Variants in DAB1 observed in about 807,000 individuals in gnomAD.
DAB1 encodes disabled homolog 1.
In DAB1, 15 loss-of-function variants were observed where a neutral mutation model predicts 64.6. The observed-to-expected ratio is 0.23, with a 90% CI of 0.16 to 0.36. DAB1 has a LOEUF of 0.36. DAB1 is among the 10% of genes least tolerant of loss of function. DAB1 has a pLI of 1.00. For synonymous variants in DAB1, 235 were observed against 251.9 expected (o/e 0.93, Z 0.64); for missense variants, 596 against 706.7 (o/e 0.84, Z 1.78).
intron 5 of DAB1, among the ~76,000 whole-genome samples, chr1:57,919,579 G>A (rs534552728): frequency 6.6e-6 from 1 of 152,168 alleles, no homozygotes; most frequent in Non-Finnish European, 1.5e-5. Context: ...TCCTATCCTT[G>A]CTCTGCCCTA....
rs1645190151 is a variant in DAB1, at chr1:58,456,006, C to CAGTGGGCAGAG, written n.257+50053_257+50054insCTCTGCCCACT. Among the ~76,000 whole-genome samples the CAGTGGGCAGAG allele has an allele frequency of 2.0e-5, 3 of 152,368 alleles. No individual in the cohort carries two copies. In the South Asian group the frequency reaches 6.2e-4, roughly 32 times the overall value. Reference sequence around the variant, plus strand: ...TCAGTGTATGACAGTGGGCAGACGACATCACTTGTCTCTGCCTCACTTGCG... The same window carrying CAGTGGGCAGAG: ...TCAGTGTATGACAGTGGGCAGACGACAGTGGGCAGAGATCACTTGTCTCTGCCTCACTTGCG... On this transcript the variant is annotated intron_variant and non_coding_transcript_variant, in intron 3 of 20. Transcript: ENST00000485760.
chr1:58,020,124 G>A (rs1055065675), intron 5 of DAB1, among the ~76,000 whole-genome samples: 4 of 152,070 alleles, frequency 2.6e-5, no homozygotes, highest in Admixed American at 2.0e-4. Context: ...TCTGCATTAA[G>A]ACTTCTGTAT....
intron 6 of DAB1, among the ~76,000 whole-genome samples, chr1:57,679,318 G>A (rs1428206002): frequency 6.6e-6 from 1 of 152,158 alleles, no homozygotes; most frequent in Non-Finnish European, 1.5e-5. Context: ...CTTGAAATCA[G>A]AAAAGGTTCT....
At chr1:58,515,738 A>G (rs1646148611) in intron 2 of DAB1, among the ~76,000 whole-genome samples, 1 of 152,220 alleles carries the variant, frequency 6.6e-6, no homozygotes, top group African/African-American at 2.4e-5. Flanking sequence ...AGCTCAGAAT[A>G]CTAACCTGAA....
chr1:58,189,917 T>A (rs1657294339), intron 4 of DAB1, among the ~76,000 whole-genome samples: 1 of 152,206 alleles, frequency 6.6e-6, no homozygotes, highest in South Asian at 2.1e-4. Context: ...CATGAAGTGG[T>A]AGCCAGCTCA....
At chr1:58,281,785 C>T (rs1661569491) in intron 4 of DAB1, among the ~76,000 whole-genome samples, 1 of 152,142 alleles carries the variant, frequency 6.6e-6, no homozygotes, top group African/African-American at 2.4e-5. Flanking sequence ...TAAAATGAAT[C>T]TTATAATAGT....
At chr1:57,309,295 A>G (rs1674467203) in intron 1 of DAB1, among the ~76,000 whole-genome samples, 1 of 152,190 alleles carries the variant, frequency 6.6e-6, no homozygotes, top group African/African-American at 2.4e-5. Flanking sequence ...TTCTGAGACC[A>G]CTGTGGTCCA....
At chr1:58,113,798 T>C (rs1334748316) in intron 5 of DAB1, among the ~76,000 whole-genome samples, 2 of 152,146 alleles carry the variant, frequency 1.3e-5, no homozygotes, top group Non-Finnish European at 2.9e-5. Flanking sequence ...CTGTTTTCAG[T>C]AGGAGTTTTG....
At chr1:57,371,056 C>G (rs191327707) in intron 1 of DAB1, among the ~76,000 whole-genome samples, 1 of 152,276 alleles carries the variant, frequency 6.6e-6, no homozygotes, top group Admixed American at 6.5e-5. Context: ...AAGGAGAGAT[C>G]TGGGAATAAG....
intron 7 of DAB1, among the ~76,000 whole-genome samples, chr1:57,434,501 G>A (rs918081252): frequency 2.6e-5 from 4 of 152,198 alleles, no homozygotes; most frequent in African/African-American, 9.6e-5. Flanking sequence ...CCTGGAAAGG[G>A]GTAGAAGGAA....
At chr1:57,551,537 C>A (rs1644914162) in intron 7 of DAB1, among the ~76,000 whole-genome samples, 1 of 152,164 alleles carries the variant, frequency 6.6e-6, no homozygotes, top group Admixed American at 6.5e-5. Context: ...AGAGTTCAGG[C>A]AACTTAATAA....
At chr1:57,085,827 T>A (rs185267313) in intron 4 of DAB1, among the ~76,000 whole-genome samples, 1 of 152,134 alleles carries the variant, frequency 6.6e-6, no homozygotes. Flanking sequence ...ACGGAGTGAA[T>A]AAGTGAATAT....
intron 2 of DAB1, among the ~76,000 whole-genome samples, chr1:57,210,193 T>C (rs1205299971): frequency 6.6e-6 from 1 of 152,196 alleles, no homozygotes; most frequent in African/African-American, 2.4e-5. Context: ...ATAAGCATTG[T>C]GTTGCTAGAG....
chr1:58,165,462 G>A (rs929540385), intron 4 of DAB1, among the ~76,000 whole-genome samples: 8 of 152,056 alleles, frequency 5.3e-5, no homozygotes, highest in South Asian at 2.1e-4. Context: ...CTCGGTCCTC[G>A]CTCCCTCTAC....
intron 3 of DAB1, among the ~76,000 whole-genome samples, chr1:58,372,800 T>A (rs1468775887): frequency 6.6e-6 from 1 of 152,186 alleles, no homozygotes; most frequent in African/African-American, 2.4e-5. Context: ...CTTCTCTTTC[T>A]TGTCTGCCAC....
At chr1:57,894,496 C>T (rs1477764409) in intron 5 of DAB1, among the ~76,000 whole-genome samples, 1 of 152,090 alleles carries the variant, frequency 6.6e-6, no homozygotes, top group Non-Finnish European at 1.5e-5. Flanking sequence ...GAGAATATTG[C>T]AGAAGGATTC....
intron 7 of DAB1, among the ~76,000 whole-genome samples, chr1:57,590,057 G>C (rs1645425716): frequency 6.6e-6 from 1 of 151,926 alleles, no homozygotes; most frequent in Non-Finnish European, 1.5e-5. Context: ...AGACTAAGTG[G>C]GTTAAACAAC....
At chr1:58,347,194 G>A (rs761612108) in intron 3 of DAB1, among the ~76,000 whole-genome samples, 1 of 152,098 alleles carries the variant, frequency 6.6e-6, no homozygotes, top group Non-Finnish European at 1.5e-5. Flanking sequence ...CACAACCTCC[G>A]CCTCCCAGGT....
chr1:58,310,153 C>CA (rs1420878931), intron 4 of DAB1, among the ~76,000 whole-genome samples: 1 of 152,138 alleles, frequency 6.6e-6, no homozygotes, highest in Non-Finnish European at 1.5e-5. Context: ...GGGCTGGGGT[C>CA]AGGAGTTTAG....
Sources: allele counts gnomAD v4.1 joint callset (sites outside exome capture counted in the v4.1 genomes callset), GRCh38; gene constraint gnomAD v4.1.1; transcripts MANE v1.5; gene names NCBI Gene and HGNC (gene_info 2026-07-23, HGNC 2026-07-21).